Variants in RGL1 observed in about 807,000 individuals in gnomAD.
RGL1 encodes ral guanine nucleotide dissociation stimulator like 1, also known as ral guanine nucleotide dissociation stimulator-like 1.
In RGL1, 24 loss-of-function variants were observed where a neutral mutation model predicts 95.2. The ratio of observed to expected loss-of-function variants is 0.25; its 90% CI spans 0.18 to 0.35. The LOEUF is 0.35. Ranked by LOEUF, RGL1 falls within the 10% of genes least tolerant of loss-of-function variation. The probability of loss-of-function intolerance (pLI) is 1.00; values close to 1 mark genes in which losing one functional copy is unlikely to be tolerated. For synonymous variants in RGL1, 329 were observed against 344.9 expected (o/e 0.95, Z 0.51); for missense variants, 715 against 936.3 (o/e 0.76, Z 3.08).
intron 1 of RGL1, among the ~76,000 whole-genome samples, chr1:183,692,364 A>G (rs1389797637): frequency 6.6e-6 from 1 of 152,208 alleles, no homozygotes; most frequent in African/African-American, 2.4e-5. Context: ...TCCATTCCCA[A>G]TGGGGAGCAG....
At chr1:183,908,419 A>G (rs1668463207) in intron 14 of RGL1, among the ~76,000 whole-genome samples, 1 of 152,190 alleles carries the variant, frequency 6.6e-6, no homozygotes, top group African/African-American at 2.4e-5. Context: ...GGGTTGGAAC[A>G]TGCGCTTTAG....
intron 1 of RGL1, among the ~76,000 whole-genome samples, chr1:183,681,541 G>T (rs1035239171): frequency 5.3e-5 from 8 of 152,202 alleles, no homozygotes; most frequent in Non-Finnish European, 1.2e-4. Flanking sequence ...GATCATGGTG[G>T]ATAAGCTTTT....
At chr1:183,729,159 T>C (rs2102225012) in intron 1 of RGL1, among the ~76,000 whole-genome samples, 1 of 149,026 alleles carries the variant, frequency 6.7e-6, no homozygotes, top group East Asian at 2.0e-4. Flanking sequence ...AATGCAAAGG[T>C]AGACCTCAGA....
intron 3 of RGL1, among the ~76,000 whole-genome samples, chr1:183,853,293 C>T (rs941762827): frequency 2.6e-5 from 4 of 151,988 alleles, no homozygotes; most frequent in Admixed American, 6.6e-5. Context: ...TGTGCCACTG[C>T]AATCCAGCCT....
intron 16 of RGL1, among the ~76,000 whole-genome samples, 200 bp downstream of exon 16, chr1:183,916,901 A>G (rs959394475): frequency 1.3e-5 from 2 of 152,172 alleles, no homozygotes; most frequent in African/African-American, 4.8e-5. Flanking sequence ...TAAAATATAT[A>G]TACATATATA....
At chr1:183,862,747 A>G (rs574392369) in intron 3 of RGL1, among the ~76,000 whole-genome samples, 1 of 152,302 alleles carries the variant, frequency 6.6e-6, no homozygotes, top group Admixed American at 6.5e-5. Flanking sequence ...TGAAACCCCA[A>G]TAGAGCACTA....
intron 1 of RGL1, among the ~76,000 whole-genome samples, chr1:183,678,628 G>T (rs886305042): frequency 2.6e-5 from 4 of 151,518 alleles, no homozygotes; most frequent in Non-Finnish European, 5.9e-5. Flanking sequence ...CCTGAGACAG[G>T]GTCTTCCTCT....
rs142341096 is a variant in RGL1, at chr1:183,744,410, G to A, written c.132+2121G>A. On this transcript the variant is annotated intron_variant, in intron 2 of 18. Transcript: ENST00000304685. ...TCCAAGATAAGATGAGATGAGTGTT[G>A]TGCTGAGGGCACAAAATTTAAGGAA... Among the ~76,000 whole-genome samples, 849 of 150,874 alleles carry A rather than the reference G, an allele frequency of 5.6e-3. 12 individuals are homozygous for A. Among genetic ancestry groups the A allele is most frequent in the African/African-American group, 0.02 (812 of 40,668 alleles).
intron 1 of RGL1, among the ~76,000 whole-genome samples, chr1:183,715,143 T>C (rs1655531969): frequency 6.6e-6 from 1 of 152,188 alleles, no homozygotes; most frequent in Admixed American, 6.5e-5. Flanking sequence ...CCCCAGCCTA[T>C]ATAATACTAC....
chr1:183,726,882 C>A (rs979275642), intron 1 of RGL1, among the ~76,000 whole-genome samples: 1 of 152,106 alleles, frequency 6.6e-6, no homozygotes. Context: ...CTGTGAGCAC[C>A]ATGTTGTTAC....
In RGL1 at chr1:183,828,876, A is replaced by G. The variant is rs77509767; in HGVS notation, c.139-18690A>G. 7.3e-3 allele frequency among the ~76,000 whole-genome samples: 1,114 copies of G among 152,338 alleles called. 24 individuals carry two copies. Among genetic ancestry groups the G allele is most frequent in the African/African-American group, 0.026 (1,074 of 41,570 alleles). On this transcript the variant is annotated intron_variant, in intron 2 of 17. Transcript: ENST00000360851. ...ATCAGTCAATGACAATGGAAAAAGA[A>G]TAAAATTTGCCCCTTTCTATGGGTG...
chr1:183,787,964 G>A (rs1300514306), intron 2 of RGL1, among the ~76,000 whole-genome samples: 1 of 152,112 alleles, frequency 6.6e-6, no homozygotes, highest in Non-Finnish European at 1.5e-5. Flanking sequence ...TGCTGGTGGT[G>A]CATCTGCAGA....
At chr1:183,784,905 G>T (rs1214546210) in intron 2 of RGL1, among the ~76,000 whole-genome samples, 1 of 152,150 alleles carries the variant, frequency 6.6e-6, no homozygotes, top group Non-Finnish European at 1.5e-5. Flanking sequence ...CTTCTCTGCA[G>T]GCCCCCTTCT....
At chr1:183,674,154 G>A (rs78503512) in intron 1 of RGL1, among the ~76,000 whole-genome samples, 10,844 of 152,198 alleles carry the variant, frequency 0.071, 662 homozygotes, top group African/African-American at 0.17. Flanking sequence ...CACCATGGGA[G>A]TGAGTCCAGC....
At chr1:183,883,712 T>C in intron 5 of RGL1, 74 bp from the exon 6 acceptor site, 3 of 1,547,252 alleles carry the variant, frequency 1.9e-6, no homozygotes, top group East Asian at 4.5e-5. Flanking sequence ...AAACAAGGAG[T>C]AAAGTCTGAT....
intron 1 of RGL1, among the ~76,000 whole-genome samples, chr1:183,805,958 TTTCTTTTC>T (rs1558217074): frequency 1.7e-4 from 22 of 132,982 alleles, no homozygotes; most frequent in Non-Finnish European, 2.4e-4. Flanking sequence ...TCTTTTTCTT[TTTCTTTTC>T]TTTTCTTTTT....
intron 2 of RGL1, among the ~76,000 whole-genome samples, chr1:183,799,070 T>C (rs1169440399): frequency 2.6e-5 from 4 of 151,368 alleles, no homozygotes; most frequent in East Asian, 3.9e-4. Flanking sequence ...GCCTGGCTAA[T>C]TTTTTGTATT....
chr1:183,894,896 T>C (rs1667603540), intron 9 of RGL1, among the ~76,000 whole-genome samples: 1 of 152,186 alleles, frequency 6.6e-6, no homozygotes, highest in South Asian at 2.1e-4. Flanking sequence ...ATGTTTCATT[T>C]CCTCTCAAAG....
chr1:183,896,125 C>T (rs892722413), intron 9 of RGL1, among the ~76,000 whole-genome samples: 2 of 152,216 alleles, frequency 1.3e-5, no homozygotes, highest in Non-Finnish European at 2.9e-5. Flanking sequence ...CACTCTTATT[C>T]AAGTCAGACA....
Sources: allele counts gnomAD v4.1 joint callset (sites outside exome capture counted in the v4.1 genomes callset), GRCh38; gene constraint gnomAD v4.1.1; transcripts MANE v1.5; gene names NCBI Gene and HGNC (gene_info 2026-07-23, HGNC 2026-07-21).